Variants in UBE2K observed in about 807,000 individuals in gnomAD.
UBE2K encodes the protein ubiquitin-conjugating enzyme E2 K.
Under a neutral mutation model 30.0 loss-of-function variants are expected in UBE2K, and 6 were observed. The observed-to-expected ratio is 0.20, with a 90% CI of 0.11 to 0.39. The LOEUF is 0.39. Among genes scored for constraint, UBE2K ranks in the 10% least tolerant of loss-of-function variants. The pLI, the probability that UBE2K is intolerant of heterozygous loss-of-function variation, is 1.00. For missense variants in UBE2K, 61 were observed against 241.6 expected, an observed-to-expected ratio of 0.25 and a Z score of 4.96; for synonymous variants, 86 against 83.7, an observed-to-expected ratio of 1.03 and a Z score of -0.15.
At chr4:39,744,394 G>A (rs559222185) in intron 2 of UBE2K, among the ~76,000 whole-genome samples, 6 of 146,546 alleles carry the variant, frequency 4.1e-5, no homozygotes, top group African/African-American at 7.6e-5. Flanking sequence ...GGATGGTCTC[G>A]ATCTCCTGAC....
chr4:39,770,149 G>A lies in UBE2K; in HGVS notation c.300-4685G>A. The A allele has an allele frequency of 3.1e-6, 5 of 1,603,360 alleles. No homozygotes were observed. In the South Asian group the frequency reaches 4.4e-5, roughly 14 times the overall value. On this transcript the variant is annotated intron_variant, in intron 4 of 6. Coordinates refer to ENST00000261427, the MANE Select transcript of UBE2K (RefSeq NM_005339.5). ...ACGTTCTCGGCGGTGGTCTTGCCGT[G>A]TTGCTCCTTGAGATGCCGCCTAATG... is the stretch of plus-strand genomic sequence containing the variant.
intron 1 of UBE2K, among the ~76,000 whole-genome samples, chr4:39,701,330 C>T (rs1470321316): frequency 2.0e-5 from 3 of 152,074 alleles, no homozygotes; most frequent in Admixed American, 1.3e-4. Flanking sequence ...GATATAAACC[C>T]ATAATCAATG....
chr4:39,717,954 A>G (rs1161793114), intron 1 of UBE2K, among the ~76,000 whole-genome samples: 1 of 147,298 alleles, frequency 6.8e-6, no homozygotes, highest in Non-Finnish European at 1.5e-5. Flanking sequence ...GAAGCTGCAG[A>G]CCTTTGCGGT....
At chr4:39,719,002 G>C (rs1719272071) in intron 1 of UBE2K, among the ~76,000 whole-genome samples, 1 of 152,272 alleles carries the variant, frequency 6.6e-6, no homozygotes, top group African/African-American at 2.4e-5. Context: ...AATGGGCACT[G>C]AGGCCGAGGA....
rs1284599224 is a variant in UBE2K, at chr4:39,780,028, CA to C, written c.*1599del. The C allele has an allele frequency of 1.3e-5, 2 of 152,016 alleles. No homozygotes were observed. The highest frequency in any genetic ancestry group is 2.4e-5 in the African/African-American group (1 of 41,400). 9.4% of individuals were successfully genotyped at this position (152,016 alleles called of 1,614,324 possible). A position where few individuals can be genotyped will look rare whatever the true frequency, so the allele number is the denominator to read the frequency against. Reference sequence around the variant, plus strand: ...AATGTTAAAGATGTGAAGGTTCTTCCAAAAATTTGTAAGGCTTTCCTAATTA... The same window carrying C: ...AATGTTAAAGATGTGAAGGTTCTTCCAAAATTTGTAAGGCTTTCCTAATTA... On this transcript the variant is annotated 3_prime_UTR_variant, in exon 7 of 7. Transcript: ENST00000261427.
chr4:39,781,474 T>C lies in UBE2K; in HGVS notation c.*3040T>C. ...GCACTACAGAATGCAGCATACTGTATTACTGTTGAGGCTGCTTAATAAGTT... is the reference window on the plus strand; with the variant it reads ...GCACTACAGAATGCAGCATACTGTACTACTGTTGAGGCTGCTTAATAAGTT... On this transcript the variant is annotated 3_prime_UTR_variant, in exon 7 of 7. Coordinates refer to ENST00000261427, the MANE Select transcript of UBE2K (RefSeq NM_005339.5). 6.5e-6 allele frequency: 1 copy of C among 153,730 alleles called. No homozygotes were observed. The highest frequency in any genetic ancestry group is 1.4e-5 in the Non-Finnish European group (1 of 69,044). The allele number at this position is 153,730 out of a possible 1,614,324, so 9.5% of individuals were successfully genotyped here.
intron 2 of UBE2K, among the ~76,000 whole-genome samples, chr4:39,744,601 A>T (rs1441198762): frequency 6.6e-6 from 1 of 152,014 alleles, no homozygotes; most frequent in Non-Finnish European, 1.5e-5. Context: ...TGCATTTTAT[A>T]TACCCATTTA....
chr4:39,735,330 T>C (rs1267415358), intron 1 of UBE2K, among the ~76,000 whole-genome samples: 2 of 152,040 alleles, frequency 1.3e-5, no homozygotes, highest in African/African-American at 4.8e-5. Flanking sequence ...CTGCCTCAGC[T>C]TCCCGAGTAG....
At chr4:39,740,297 G>T (rs1199830064) in intron 2 of UBE2K, among the ~76,000 whole-genome samples, 1 of 151,934 alleles carries the variant, frequency 6.6e-6, no homozygotes, top group Admixed American at 6.6e-5. Flanking sequence ...CACTTCCTGA[G>T]CTAAATTAGA....
intron 4 of UBE2K, among the ~76,000 whole-genome samples, chr4:39,766,365 C>T (rs1184310525): frequency 6.6e-6 from 1 of 152,028 alleles, no homozygotes; most frequent in African/African-American, 2.4e-5. Flanking sequence ...TTCCAATTTG[C>T]ATTTCCCTAA....
intron 1 of UBE2K, among the ~76,000 whole-genome samples, chr4:39,704,444 G>A (rs149835859): frequency 3.3e-5 from 5 of 152,170 alleles, no homozygotes; most frequent in African/African-American, 1.2e-4. Flanking sequence ...CAGGTAATAT[G>A]TTTGGGGTGA....
intron 3 of UBE2K, among the ~76,000 whole-genome samples, chr4:39,751,470 C>T (rs1282378018): frequency 6.6e-6 from 1 of 151,476 alleles, no homozygotes; most frequent in Non-Finnish European, 1.5e-5. Context: ...CCCAAGAGTT[C>T]GAGAAAAGCC....
chr4:39,724,583 CAAAAAAAAAAAA>C (rs60854193), intron 1 of UBE2K, among the ~76,000 whole-genome samples: 8 of 52,152 alleles, frequency 1.5e-4, no homozygotes, highest in African/African-American at 3.2e-4. Context: ...CCCGTCTCTG[CAAAAAAAAAAAA>C]AAAAAAAAAA....
Position 39,752,426 on chromosome 4 carries a change from T to C in UBE2K, c.217-3231T>C, listed in dbSNP as rs1475027367. ...ATCTCGGCTCACTGCAAGCTCCGCT[T>C]CCCAGGTTCACGCCATTCTCCTGCC... is the stretch of plus-strand genomic sequence containing the variant. On this transcript the variant is annotated intron_variant, in intron 3 of 6. Coordinates refer to ENST00000261427, the MANE Select transcript of UBE2K (RefSeq NM_005339.5). Among the ~76,000 whole-genome samples, 4 of 144,274 alleles carry C rather than the reference T, an allele frequency of 2.8e-5. No individual in the cohort carries two copies. In the East Asian group the frequency reaches 8.4e-4, roughly 30 times the overall value. 94.6% of individuals were successfully genotyped at this position (144,274 alleles called of 152,430 possible).
At chr4:39,698,483 G>A in intron 1 of UBE2K, 93 bp downstream of exon 1, 17 of 1,223,036 alleles carry the variant, frequency 1.4e-5, no homozygotes, top group Non-Finnish European at 2.0e-5. Flanking sequence ...GTCCCTGGGT[G>A]GTCCTCCTTG....
rs1713652029 is a variant in UBE2K, at chr4:39,782,145, T to G, written c.*3711T>G. ...ACTTGCAATCACCTAAATGGAAGTC[T>G]TGAATGTGTCACCTTTTGCTTGGTT... On this transcript the variant is annotated 3_prime_UTR_variant, in exon 7 of 7. Coordinates refer to ENST00000261427, the MANE Select transcript of UBE2K (RefSeq NM_005339.5). 1 of 393,162 alleles carries G rather than the reference T, an allele frequency of 2.5e-6. No homozygotes were observed. Among genetic ancestry groups the G allele is most frequent in the Non-Finnish European group, 4.5e-6 (1 of 222,846 alleles). The allele number at this position is 393,162 out of a possible 1,614,324, so 24.4% of individuals were successfully genotyped here.
chr4:39,728,832 T>TTTG (rs1553876219), intron 1 of UBE2K, among the ~76,000 whole-genome samples: 2 of 148,220 alleles, frequency 1.3e-5, no homozygotes, highest in Non-Finnish European at 3.0e-5. Context: ...TTTTTGTTTT[T>TTTG]TTTTTTTTGT....
chr4:39,713,286 A>ATTTTTTTTTTTTTTTTTTT lies in UBE2K; in HGVS notation c.63+14912_63+14913insTTTTTTTTTTTTTTTTTTT, dbSNP rs56104487. Among the ~76,000 whole-genome samples the ATTTTTTTTTTTTTTTTTTT allele has an allele frequency of 4.5e-4, 38 of 83,576 alleles. 3 individuals are homozygous for ATTTTTTTTTTTTTTTTTTT. The highest frequency in any genetic ancestry group is 5.4e-4 in the African/African-American group (10 of 18,548). The allele number at this position is 83,576 out of a possible 152,430, so 54.8% of individuals were successfully genotyped here. Reference sequence around the variant, plus strand: ...TAGTTTTCTCCTTCTTCTGTAGGAAATTTTTTTTTTTTTTTTGAGACAGTT... The same window carrying ATTTTTTTTTTTTTTTTTTT: ...TAGTTTTCTCCTTCTTCTGTAGGAAATTTTTTTTTTTTTTTTTTTTTTTTTTTTTTTTTTTGAGACAGTT... On this transcript the variant is annotated intron_variant, in intron 1 of 6. Coordinates refer to ENST00000261427, the MANE Select transcript of UBE2K (RefSeq NM_005339.5).
chr4:39,730,891 C>A (rs1720037679), intron 1 of UBE2K, among the ~76,000 whole-genome samples: 1 of 148,662 alleles, frequency 6.7e-6, no homozygotes, highest in South Asian at 2.1e-4. Context: ...CTCACTGCAA[C>A]CTCCGCCTCT....
Sources: gnomAD v4.1 joint callset for allele counts (sites outside exome capture counted in the v4.1 genomes callset) on GRCh38, gnomAD v4.1.1 for gene constraint, MANE v1.5 for transcripts, NCBI Gene and HGNC (gene_info 2026-07-23, HGNC 2026-07-21) for gene names.